The following MGAM variants were observed in gnomAD, a reference collection of about 807,000 sequenced individuals.
MGAM encodes the protein alpha-1,4-glucosidase.
A neutral mutation model predicts 358.8 loss-of-function variants in MGAM; 253 were observed. That is an observed-to-expected ratio of 0.71 (90% confidence interval 0.64 to 0.78). MGAM has a LOEUF of 0.78. MGAM is among the 30% of genes least tolerant of loss of function. The pLI, the probability that MGAM is intolerant of heterozygous loss-of-function variation, is 0.00. For synonymous variants in MGAM, 1,105 were observed against 1,227.1 expected (o/e 0.90, Z 2.08); for missense variants, 3,080 against 3,432.6 (o/e 0.90, Z 2.57).
At chr7:142,102,255 A>C (rs1228488161) in intron 68 of MGAM, among the ~76,000 whole-genome samples, 1 of 152,204 alleles carries the variant, frequency 6.6e-6, no homozygotes, top group Non-Finnish European at 1.5e-5. Context: ...AGATGTGTAC[A>C]TACAGCAAAA....
At chr7:142,079,130 C>A in intron 49 of MGAM, 122 bp downstream of exon 49, 1 of 924,704 alleles carries the variant, frequency 1.1e-6, no homozygotes, top group South Asian at 1.7e-5. Flanking sequence ...TGTCATTATC[C>A]AGAGAACATT....
chr7:142,045,572 T>TAC (rs1810160490), intron 21 of MGAM, among the ~76,000 whole-genome samples: 1 of 110,500 alleles, frequency 9.0e-6, no homozygotes, highest in Non-Finnish European at 1.7e-5. Flanking sequence ...ATATATAATA[T>TAC]ATATTATATA....
At chr7:142,041,062 C>A (rs1347953968) in intron 21 of MGAM, among the ~76,000 whole-genome samples, 1 of 152,142 alleles carries the variant, frequency 6.6e-6, no homozygotes, top group Non-Finnish European at 1.5e-5. Context: ...CACACTGCAT[C>A]CATGTTTCTT....
chr7:142,042,701 TTATA>T (rs1312628333), intron 21 of MGAM, among the ~76,000 whole-genome samples: 1 of 57,132 alleles, frequency 1.8e-5, no homozygotes, highest in East Asian at 5.2e-4. Flanking sequence ...ATGTATAATA[TTATA>T]TATAATATAT....
At chr7:142,061,135 C>T (rs923954007) in intron 34 of MGAM, among the ~76,000 whole-genome samples, 3 of 152,282 alleles carry the variant, frequency 2.0e-5, no homozygotes, top group African/African-American at 7.2e-5. Flanking sequence ...AAGCCAGCAC[C>T]TTGGAGAACG....
At chr7:142,048,214 G>A (rs556824435) in intron 22 of MGAM, among the ~76,000 whole-genome samples, 54 of 151,436 alleles carry the variant, frequency 3.6e-4, no homozygotes, top group African/African-American at 1.2e-3. Flanking sequence ...GTGCAGTGGC[G>A]CGATCTCGGC....
chr7:142,045,253 T>TAGGTAC (rs1810012077), intron 21 of MGAM, among the ~76,000 whole-genome samples: 1 of 81,888 alleles, frequency 1.2e-5, no homozygotes, highest in African/African-American at 4.8e-5. Context: ...TAATATATGA[T>TAGGTAC]ATATAATATA....
At chr7:141,997,934 C>T (rs782158842) in intron 1 of MGAM, among the ~76,000 whole-genome samples, 2 of 152,148 alleles carry the variant, frequency 1.3e-5, no homozygotes, top group Non-Finnish European at 2.9e-5. Context: ...GTCTATCTAT[C>T]CACAATGAAT....
At position 142,094,354 on chromosome 7, in the gene MGAM, C is replaced by T. The variant is rs769290328; in HGVS notation, c.7173-10C>T. 11 of 1,512,236 alleles carry T rather than the reference C, an allele frequency of 7.3e-6. No homozygotes were observed. The highest frequency in any genetic ancestry group is 2.2e-4 in the Middle Eastern group (1 of 4,618). 93.7% of individuals were successfully genotyped at this position (1,512,236 alleles called of 1,614,324 possible). ...TGCCCTCAGTTCACCTCCTTTTCCC[C>T]TCCAACCAGAGCCGTGCAGGAGGTG... On this transcript the variant is annotated splice_polypyrimidine_tract_variant and intron_variant, in intron 60 of 70. Transcript: ENST00000475668.
chr7:142,014,876 TA>T (rs1162982640), intron 3 of MGAM, among the ~76,000 whole-genome samples: 2 of 152,070 alleles, frequency 1.3e-5, no homozygotes, highest in Non-Finnish European at 2.9e-5. Flanking sequence ...CATTCTACAG[TA>T]AAAAAAGTTT....
At chr7:142,048,329 T>A (rs1371039619) in intron 22 of MGAM, among the ~76,000 whole-genome samples, 1 of 151,558 alleles carries the variant, frequency 6.6e-6, no homozygotes, top group African/African-American at 2.4e-5. Context: ...TTTGTATGTT[T>A]AGTAGAGATG....
intron 65 of MGAM, among the ~76,000 whole-genome samples, chr7:142,097,090 G>A (rs116050000): frequency 0.018 from 2,708 of 150,758 alleles, 64 homozygotes; most frequent in African/African-American, 0.064. Flanking sequence ...CACCAGGCCC[G>A]GCCAATTTAA....
chr7:142,094,412 C>T lies in MGAM; in HGVS notation c.7221C>T (p.Ser2407=), dbSNP rs1167052695. 2 of 1,535,276 alleles carry T rather than the reference C, an allele frequency of 1.3e-6. No homozygotes were observed. Among genetic ancestry groups the T allele is most frequent in the Admixed American group, 1.8e-5 (1 of 55,610 alleles). Residue 2407 remains serine (S), a synonymous_variant, in exon 61 of 71, where the codon TCC becomes TCT. Transcript: ENST00000475668. ...TGQRGVVITR[S]TFPSSGRWAG... ...AGCGAGGGGTCGTCATCACCCGCTC[C>T]ACATTTCCCTCTTCTGGCCGCTGGG...
In MGAM at chr7:142,091,850, A is replaced by G. The variant is rs139541193; in HGVS notation, c.6811-63A>G. On this transcript the variant is annotated intron_variant, in intron 57 of 70. Coordinates refer to ENST00000475668, the MANE Select transcript of MGAM (RefSeq NM_001365693.1). ...TATTTGTGCGAGTTGCATTCTCAGT[A>G]AGTGCCTGTTTGCTGTCTTCTATAT... 240 of 1,365,166 alleles carry G rather than the reference A, an allele frequency of 1.8e-4. 5 individuals are homozygous for G. The African/African-American group carries it at 3.2e-3, about 18-fold the overall frequency. 84.6% of individuals were successfully genotyped at this position (1,365,166 alleles called of 1,614,324 possible).
At position 142,022,291 on chromosome 7, in the gene MGAM, T is replaced by C; in HGVS notation, c.734T>C (p.Leu245Pro). ...RVLFDSSIGP[L>P]LFADQFLQLS... is the part of the protein sequence containing the mutation. The stretch of plus-strand genomic sequence containing the variant: ...AGGTTTGACTCGAGCATTGGGCCCC[T>C]ACTGTTTGCTGACCAGTTCTTGCAG... Residue 245 changes from leucine (L) to proline (P), a missense_variant, in exon 7 of 71, where the codon CTA (leucine) becomes CCA (proline). Physicochemically the swap from Leu to Pro is moderately conservative, Grantham distance 98. Coordinates refer to ENST00000475668, the MANE Select transcript of MGAM (RefSeq NM_001365693.1). 1.9e-6 allele frequency: 3 copies of C among 1,611,884 alleles called. No homozygotes were observed. The highest frequency in any genetic ancestry group is 2.5e-6 in the Non-Finnish European group (3 of 1,178,668).
Position 142,040,151 on chromosome 7 carries a change from G to T in MGAM, c.2353G>T (p.Val785Phe). The T allele has an allele frequency of 6.2e-7, 1 of 1,612,578 alleles. No homozygotes were observed. Among genetic ancestry groups the T allele is most frequent in the Non-Finnish European group, 8.5e-7 (1 of 1,179,112 alleles). The change falls in exon 20 of 71, where the codon GTC (valine) becomes TTC (phenylalanine). Residue 785 changes from valine (V) to phenylalanine (F), a missense_variant. By Grantham distance (50) the Val-to-Phe change is conservative (BLOSUM62 -1). Coordinates refer to ENST00000475668, the MANE Select transcript of MGAM (RefSeq NM_001365693.1). ...EKVMAYVPDA[V>F]WYDYETGSQV... ...AGTGATGGCATATGTGCCTGATGCTGTCTGGTATGACTACGAGACTGTAAG... is the reference window on the plus strand; with the variant it reads ...AGTGATGGCATATGTGCCTGATGCTTTCTGGTATGACTACGAGACTGTAAG...
rs1360203166 is a variant in MGAM, at chr7:142,062,570, A to G, written c.4125A>G (p.Leu1375=). The G allele has an allele frequency of 6.3e-7, 1 of 1,580,210 alleles. No individual in the cohort carries two copies. The highest frequency in any genetic ancestry group is 1.9e-5 in the Admixed American group (1 of 54,044). The change falls in exon 35 of 71, where the codon CTA becomes CTG. Residue 1375 remains leucine (L), a splice_region_variant and synonymous_variant. Transcript: ENST00000475668. ...GSLDWDSQVE[L]YRAYVAFPDF... ...GAAATTATATTTCTTTTTTATAGCT[A>G]TATCGAGCTTATGTGGCCTTCCCAG...
intron 22 of MGAM, among the ~76,000 whole-genome samples, chr7:142,048,215 C>T (rs34827622): frequency 0.061 from 9,127 of 149,168 alleles, 402 homozygotes; most frequent in Admixed American, 0.12. Context: ...TGCAGTGGCG[C>T]GATCTCGGCT....
In MGAM at chr7:142,084,912, A is replaced by G. The variant is rs540443933; in HGVS notation, c.6507+268A>G. 4.1e-5 allele frequency among the ~76,000 whole-genome samples: 6 copies of G among 146,398 alleles called. 1 individual carries two copies. Among genetic ancestry groups the G allele is most frequent in the South Asian group, 4.4e-4 (2 of 4,594 alleles). On this transcript the variant is annotated intron_variant, in intron 54 of 70. Coordinates refer to ENST00000475668, the MANE Select transcript of MGAM (RefSeq NM_001365693.1). ...TTTCTACTATCTCATGCTTCCTTCC[A>G]TTTCTTTCACATGACTTCAAAACAT...
Sources: allele counts gnomAD v4.1 joint callset (sites outside exome capture counted in the v4.1 genomes callset), GRCh38; gene constraint gnomAD v4.1.1; transcripts MANE v1.5; gene names NCBI Gene and HGNC (gene_info 2026-07-23, HGNC 2026-07-21).